The following CWC27 variants were observed in gnomAD, a reference collection of about 807,000 sequenced individuals.
CWC27 encodes CWC27 spliceosome associated cyclophilin.
A neutral mutation model predicts 63.6 loss-of-function variants in CWC27; 47 were observed. The observed-to-expected ratio is 0.74, with a 90% CI of 0.58 to 0.94. CWC27 has a LOEUF of 0.94. Among genes scored for constraint, CWC27 ranks in the 40% least tolerant of loss-of-function variants. CWC27 has a pLI of 0.00. For missense variants in CWC27, 495 were observed against 554.3 expected (o/e 0.89, Z 1.07); for synonymous variants, 175 against 179.8 (o/e 0.97, Z 0.22).
chr5:64,843,641 G>A (rs1745902245), intron 10 of CWC27, among the ~76,000 whole-genome samples: 1 of 152,046 alleles, frequency 6.6e-6, no homozygotes, highest in Non-Finnish European at 1.5e-5. Context: ...AATTATAACA[G>A]AAGAGAAAAA....
intron 11 of CWC27, among the ~76,000 whole-genome samples, chr5:64,970,340 G>A (rs1401384128): frequency 1.3e-5 from 2 of 151,588 alleles, no homozygotes; most frequent in Non-Finnish European, 2.9e-5. Context: ...AGCCTCTCCA[G>A]TAGCTGGGAC....
intron 11 of CWC27, among the ~76,000 whole-genome samples, chr5:64,927,557 GTTC>G (rs1226450063): frequency 6.6e-6 from 1 of 152,136 alleles, no homozygotes; most frequent in Admixed American, 6.5e-5. Context: ...AGGGTGCCTA[GTTC>G]TTCTTAAGGC....
intron 12 of CWC27, among the ~76,000 whole-genome samples, chr5:64,973,506 G>A (rs924835511): frequency 3.3e-5 from 5 of 152,160 alleles, no homozygotes; most frequent in South Asian, 2.1e-4. Context: ...TTGGCCATTC[G>A]TTCTTTCAGG....
chr5:64,968,705 A>G (rs1282728099), intron 11 of CWC27, among the ~76,000 whole-genome samples: 1 of 152,182 alleles, frequency 6.6e-6, no homozygotes, highest in Non-Finnish European at 1.5e-5. Context: ...ACTGACTGTA[A>G]CAGACATTTG....
intron 11 of CWC27, among the ~76,000 whole-genome samples, chr5:64,942,438 TAAAA>T (rs35936421): frequency 4.1e-5 from 4 of 96,530 alleles, no homozygotes; most frequent in East Asian, 5.6e-4. Context: ...CCTATCTCTT[TAAAA>T]AAAAAAAAAA....
chr5:64,924,777 A>G (rs895955079), intron 11 of CWC27, among the ~76,000 whole-genome samples: 3 of 152,226 alleles, frequency 2.0e-5, no homozygotes, highest in Admixed American at 6.5e-5. Flanking sequence ...AACAGCAGTT[A>G]TGGACAAGAA....
intron 10 of CWC27, among the ~76,000 whole-genome samples, chr5:64,844,744 G>A (rs1409090307): frequency 6.6e-6 from 1 of 152,178 alleles, no homozygotes; most frequent in Non-Finnish European, 1.5e-5. Context: ...GCATAGGCAG[G>A]GAGATTTCCA....
At chr5:64,885,382 T>C (rs1266413537) in intron 10 of CWC27, 61 bp from the exon 11 acceptor site, 3 of 1,187,624 alleles carry the variant, frequency 2.5e-6, no homozygotes, top group Non-Finnish European at 2.4e-6. Context: ...GATTCTGTTT[T>C]TGCTAAACAA....
chr5:64,819,049 A>G lies in CWC27; in HGVS notation c.938+14663A>G, dbSNP rs113811982. On this transcript the variant is annotated intron_variant, in intron 10 of 13. Transcript: ENST00000381070. ...TAGCTTTTTCGTATATGTTGGGAGCATAGGTGAATAAAGGCAAATAAAGTT... is the reference window on the plus strand; with the variant it reads ...TAGCTTTTTCGTATATGTTGGGAGCGTAGGTGAATAAAGGCAAATAAAGTT... 4.9e-3 allele frequency among the ~76,000 whole-genome samples: 750 copies of G among 152,306 alleles called. 6 individuals carry two copies. The highest frequency in any genetic ancestry group is 0.017 in the African/African-American group (707 of 41,574).
At chr5:64,911,271 T>C (rs901270842) in intron 11 of CWC27, among the ~76,000 whole-genome samples, 2 of 152,192 alleles carry the variant, frequency 1.3e-5, no homozygotes, top group African/African-American at 2.4e-5. Context: ...AGTGCACCCA[T>C]AGCACCTCTA....
At chr5:64,795,598 A>G (rs909584356) in intron 7 of CWC27, among the ~76,000 whole-genome samples, 7 of 152,088 alleles carry the variant, frequency 4.6e-5, no homozygotes, top group African/African-American at 1.4e-4. Flanking sequence ...AAAGCCAGCA[A>G]TAACTGGTGA....
chr5:64,820,486 C>T (rs1745166812), intron 10 of CWC27, among the ~76,000 whole-genome samples: 1 of 151,904 alleles, frequency 6.6e-6, no homozygotes. Flanking sequence ...ACTAGAAGAG[C>T]CACTTAAGTA....
intron 10 of CWC27, among the ~76,000 whole-genome samples, chr5:64,829,039 A>G (rs553248684): frequency 6.6e-6 from 1 of 152,302 alleles, no homozygotes; most frequent in Admixed American, 6.5e-5. Context: ...TGATAATATC[A>G]ATGTACAAAA....
At chr5:64,810,677 A>G (rs1744850083) in intron 10 of CWC27, among the ~76,000 whole-genome samples, 1 of 152,110 alleles carries the variant, frequency 6.6e-6, no homozygotes, top group Admixed American at 6.6e-5. Context: ...ATCTAAGAGC[A>G]TACATTAATT....
intron 11 of CWC27, among the ~76,000 whole-genome samples, chr5:64,888,914 A>G (rs935252746): frequency 1.3e-5 from 2 of 152,172 alleles, no homozygotes; most frequent in African/African-American, 4.8e-5. Context: ...CACCATTTTA[A>G]CCAAGGGATC....
rs1304493448 is a variant in CWC27 at position 64,785,519 on chromosome 5, A to T, written c.435A>T (p.Ser145=). 1 of 1,560,956 alleles carries T rather than the reference A, an allele frequency of 6.4e-7. No homozygotes were observed. Among genetic ancestry groups the T allele is most frequent in the Non-Finnish European group, 8.6e-7 (1 of 1,160,064 alleles). Residue 145 remains serine, a synonymous_variant, in exon 5 of 14, where the codon TCA becomes TCT. Transcript: ENST00000381070. ...CAGTATATAACATGTTGCGACTGTC[A>T]GAAGTAGACATTGATGATGACGAAA... is the stretch of plus-strand genomic sequence containing the variant. The part of the protein sequence containing the change: ...GDTVYNMLRL[S]EVDIDDDERP...
At chr5:64,774,936 G>A (rs115861531) in intron 2 of CWC27, 149 bp downstream of exon 2, 33 of 486,050 alleles carry the variant, frequency 6.8e-5, no homozygotes, top group African/African-American at 6.2e-4. Flanking sequence ...TGGGTGTCCG[G>A]AAGTAGAGAT....
At chr5:64,810,529 G>C (rs1046912109) in intron 10 of CWC27, among the ~76,000 whole-genome samples, 1 of 152,038 alleles carries the variant, frequency 6.6e-6, no homozygotes, top group African/African-American at 2.4e-5. Context: ...CATGAATCCA[G>C]AATGGGATAT....
At chr5:64,861,374 TA>T (rs1378431020) in intron 10 of CWC27, among the ~76,000 whole-genome samples, 64 of 152,282 alleles carry the variant, frequency 4.2e-4, no homozygotes, top group African/African-American at 1.1e-3. Flanking sequence ...ATTATAGAGT[TA>T]TGTTTTTTCT....
Sources: allele counts gnomAD v4.1 joint callset (sites outside exome capture counted in the v4.1 genomes callset), GRCh38; gene constraint gnomAD v4.1.1; transcripts MANE v1.5; gene names NCBI Gene and HGNC (gene_info 2026-07-23, HGNC 2026-07-21).